The following ROBO2 variants were observed in gnomAD, a reference collection of about 807,000 sequenced individuals.
ROBO2 encodes roundabout homolog 2.
A neutral mutation model predicts 160.8 loss-of-function variants in ROBO2; 53 were observed. The ratio of observed to expected loss-of-function variants is 0.33; its 90% CI spans 0.26 to 0.41. ROBO2 has a LOEUF of 0.41. Among genes scored for constraint, ROBO2 ranks in the 10% least tolerant of loss-of-function variants. The probability of loss-of-function intolerance (pLI) is 1.00; values close to 1 mark genes in which losing one functional copy is unlikely to be tolerated. For missense variants in ROBO2, 1,577 were observed against 1,722.4 expected (o/e 0.92, Z 1.49); for synonymous variants, 664 against 611.7 (o/e 1.09, Z -1.26).
intron 5 of ROBO2, among the ~76,000 whole-genome samples, 159 bp from the exon 6 acceptor site, chr3:77,522,616 A>G (rs988166821): frequency 3.3e-5 from 5 of 151,342 alleles, no homozygotes; most frequent in Non-Finnish European, 7.4e-5. Flanking sequence ...TATTAGCAAT[A>G]TCTTTAATCT....
At chr3:76,077,366 C>A (rs575321227) in intron 2 of ROBO2, among the ~76,000 whole-genome samples, 23 of 152,196 alleles carry the variant, frequency 1.5e-4, no homozygotes, top group African/African-American at 5.3e-4. Context: ...AGTTCGAGAC[C>A]AGCCTGGCCA....
chr3:75,980,823 G>A (rs956339202), intron 2 of ROBO2, among the ~76,000 whole-genome samples: 14 of 151,512 alleles, frequency 9.2e-5, no homozygotes, highest in African/African-American at 3.4e-4. Flanking sequence ...ACTATTTTCT[G>A]AAGAATACAC....
chr3:76,242,104 C>T (rs571073344), intron 2 of ROBO2, among the ~76,000 whole-genome samples: 11 of 152,174 alleles, frequency 7.2e-5, no homozygotes, highest in Non-Finnish European at 1.0e-4. Flanking sequence ...ATTCCTTTTT[C>T]CCCCTTTATT....
chr3:77,280,366 G>T (rs147159095), intron 2 of ROBO2, among the ~76,000 whole-genome samples: 1 of 152,088 alleles, frequency 6.6e-6, no homozygotes, highest in Non-Finnish European at 1.5e-5. Flanking sequence ...TTTAAATCTA[G>T]GGTTGATAAA....
intron 2 of ROBO2, among the ~76,000 whole-genome samples, chr3:76,559,345 T>A (rs2084008399): frequency 6.6e-6 from 1 of 152,160 alleles, no homozygotes; most frequent in Admixed American, 6.5e-5. Context: ...AAAAATAAAT[T>A]ATCTTGCATT....
intron 2 of ROBO2, among the ~76,000 whole-genome samples, chr3:75,964,302 G>C (rs1949029337): frequency 6.6e-6 from 1 of 151,718 alleles, no homozygotes; most frequent in African/African-American, 2.4e-5. Flanking sequence ...GAATTGATTG[G>C]AATGTGCAGG....
At chr3:76,444,244 C>T (rs1455437279) in intron 2 of ROBO2, among the ~76,000 whole-genome samples, 3 of 152,112 alleles carry the variant, frequency 2.0e-5, no homozygotes, top group African/African-American at 7.2e-5. Context: ...TCCAAAAGTG[C>T]TGGGATTACA....
At chr3:76,629,277 A>G (rs1231966351) in intron 2 of ROBO2, among the ~76,000 whole-genome samples, 1 of 152,198 alleles carries the variant, frequency 6.6e-6, no homozygotes, top group Non-Finnish European at 1.5e-5. Context: ...TTTATTGTGT[A>G]CAACTAATTT....
chr3:77,153,832 T>C (rs1394920725), intron 2 of ROBO2, among the ~76,000 whole-genome samples: 1 of 152,148 alleles, frequency 6.6e-6, no homozygotes, highest in East Asian at 1.9e-4. Context: ...TTGACATTTC[T>C]ATTTTATAAT....
chr3:76,981,719 G>A (rs1356364442), intron 2 of ROBO2, among the ~76,000 whole-genome samples: 1 of 152,092 alleles, frequency 6.6e-6, no homozygotes, highest in Admixed American at 6.6e-5. Context: ...CTATTCTGTG[G>A]GCTTTACAGG....
At chr3:76,758,456 C>T (rs1201852063) in intron 2 of ROBO2, among the ~76,000 whole-genome samples, 3 of 151,744 alleles carry the variant, frequency 2.0e-5, no homozygotes, top group Admixed American at 2.0e-4. Context: ...AGGTTTTGTC[C>T]TTAACTACCT....
intron 2 of ROBO2, among the ~76,000 whole-genome samples, chr3:76,618,603 A>G (rs1444976895): frequency 3.0e-4 from 46 of 151,666 alleles, no homozygotes; most frequent in Non-Finnish European, 2.9e-5. Context: ...TTCCTTGAAC[A>G]TAATGCTCCA....
At chr3:77,558,430 G>T (rs1480811945) in intron 9 of ROBO2, among the ~76,000 whole-genome samples, 1 of 151,884 alleles carries the variant, frequency 6.6e-6, no homozygotes, top group Non-Finnish European at 1.5e-5. Context: ...TAAACACATA[G>T]CATTAATATG....
chr3:77,379,474 G>C (rs1241423640), intron 2 of ROBO2, among the ~76,000 whole-genome samples: 1 of 151,978 alleles, frequency 6.6e-6, no homozygotes, highest in Non-Finnish European at 1.5e-5. Flanking sequence ...AAAAGTCAAT[G>C]ACTCTGACAC....
At chr3:76,238,489 G>A (rs1394943961) in intron 2 of ROBO2, among the ~76,000 whole-genome samples, 1 of 151,846 alleles carries the variant, frequency 6.6e-6, no homozygotes, top group Non-Finnish European at 1.5e-5. Flanking sequence ...AGACACAAGG[G>A]GATTATGTGA....
intron 2 of ROBO2, among the ~76,000 whole-genome samples, chr3:76,213,605 T>A (rs1703293748): frequency 6.6e-6 from 1 of 152,152 alleles, no homozygotes; most frequent in Admixed American, 6.6e-5. Flanking sequence ...ACTAAGAGAT[T>A]TCTTTAATTT....
intron 2 of ROBO2, among the ~76,000 whole-genome samples, chr3:76,695,838 C>G (rs2092915704): frequency 6.6e-6 from 1 of 152,134 alleles, no homozygotes; most frequent in Non-Finnish European, 1.5e-5. Flanking sequence ...TGGCTTCCTT[C>G]CATATACCTA....
In ROBO2 at chr3:76,238,143, C is replaced by T. The variant is rs371217695; in HGVS notation, c.109+300541C>T. ...AGGTTATTCTTACTGAAATTTAAAG[C>T]CAAAGAAAAGTTGAAAACAATGGAA... is the stretch of plus-strand genomic sequence containing the variant. On this transcript the variant is annotated intron_variant, in intron 2 of 26. Coordinates refer to the ROBO2 transcript ENST00000487694. 2.0e-5 allele frequency among the ~76,000 whole-genome samples: 3 copies of T among 152,158 alleles called. No individual in the cohort carries two copies. In the East Asian group the frequency reaches 5.8e-4, roughly 29 times the overall value.
intron 2 of ROBO2, among the ~76,000 whole-genome samples, chr3:75,987,970 T>G (rs1331623018): frequency 6.9e-6 from 1 of 145,442 alleles, no homozygotes; most frequent in Non-Finnish European, 1.5e-5. Flanking sequence ...ATAACAGATA[T>G]TGGTCTGTTG....
Sources: gnomAD v4.1 joint callset for allele counts (sites outside exome capture counted in the v4.1 genomes callset) on GRCh38, gnomAD v4.1.1 for gene constraint, MANE v1.5 for transcripts, NCBI Gene and HGNC (gene_info 2026-07-23, HGNC 2026-07-21) for gene names.